CCDC81: variants seen among roughly 807,000 people sequenced by gnomAD.
CCDC81 encodes the protein coiled-coil domain containing 81.
In CCDC81, 79 loss-of-function variants were observed where a neutral mutation model predicts 83.7. That is an observed-to-expected ratio of 0.94 (90% CI 0.79 to 1.14). The LOEUF (loss-of-function observed/expected upper bound fraction) is 1.14. Ranked by LOEUF, CCDC81 falls within the 50% of genes most tolerant of loss-of-function variation. The probability of loss-of-function intolerance (pLI) is 0.00; values close to 1 mark genes in which losing one functional copy is unlikely to be tolerated. For missense variants in CCDC81, 791 were observed against 778.1 expected (o/e 1.02, Z -0.20); for synonymous variants, 252 against 278.1 (o/e 0.91, Z 0.93).
At chr11:86,379,462 A>G (rs1293310756) in intron 1 of CCDC81, among the ~76,000 whole-genome samples, 2 of 152,182 alleles carry the variant, frequency 1.3e-5, no homozygotes, top group Admixed American at 6.6e-5. Context: ...CAGTCAATTC[A>G]AGTCCACTTC....
At chr11:86,381,984 T>C (rs1555190193) in intron 1 of CCDC81, among the ~76,000 whole-genome samples, 1 of 152,056 alleles carries the variant, frequency 6.6e-6, no homozygotes, top group Non-Finnish European at 1.5e-5. Context: ...GGTGAGAGTA[T>C]GATGTGATGG....
At position 86,375,102 on chromosome 11, in the gene CCDC81, A is replaced by G. The variant is rs1948081744; in HGVS notation, c.-62A>G. 1.4e-6 allele frequency: 2 copies of G among 1,404,562 alleles called. No individual in the cohort carries two copies. Among genetic ancestry groups the G allele is most frequent in the Non-Finnish European group, 1.0e-6 (1 of 989,590 alleles). The allele number at this position is 1,404,562 out of a possible 1,614,324, so 87.0% of individuals were successfully genotyped here. On this transcript the variant is annotated 5_prime_UTR_variant, in exon 1 of 15. Transcript: ENST00000445632. ...GGGTGGGAAAATTATTTTTGTGCACATTCCATATAAGAAAGAAGAGACCCA... is the reference window on the plus strand; with the variant it reads ...GGGTGGGAAAATTATTTTTGTGCACGTTCCATATAAGAAAGAAGAGACCCA...
chr11:86,388,256 C>A (rs11234628), intron 3 of CCDC81, among the ~76,000 whole-genome samples: 37,769 of 145,538 alleles, frequency 0.26, 5,082 homozygotes, highest in African/African-American at 0.34. Flanking sequence ...TTATTGAGAG[C>A]CAACTATGTG....
At chr11:86,393,262 C>T (rs1948359675) in intron 4 of CCDC81, among the ~76,000 whole-genome samples, 2 of 152,058 alleles carry the variant, frequency 1.3e-5, no homozygotes, top group African/African-American at 4.8e-5. Flanking sequence ...AAAGTTTCAC[C>T]ATGTTGGCCA....
chr11:86,389,971 G>A (rs1306933571), intron 3 of CCDC81, among the ~76,000 whole-genome samples: 1 of 152,086 alleles, frequency 6.6e-6, no homozygotes, highest in Non-Finnish European at 1.5e-5. Context: ...TGGGCGTGGT[G>A]GTGCATGCCT....
Position 86,420,026 on chromosome 11 carries a change from G to T in CCDC81, c.1790G>T (p.Arg597Leu), listed in dbSNP as rs1416565609. The change falls in exon 14 of 15, where the codon CGA becomes CTA. Residue 597 changes from arginine to leucine, a missense_variant. Arg to Leu is a moderately radical substitution (Grantham distance 102, BLOSUM62 -2). Transcript: ENST00000445632. ...WERSAAMKKQ[R>L]DLEDKAFERA... ...AGGAGTGCTGCGATGAAGAAGCAGC[G>T]AGACCTGGAGGACAAGGCTTTTGAA... is the stretch of plus-strand genomic sequence containing the variant. 1.2e-6 allele frequency: 2 copies of T among 1,613,762 alleles called. No homozygotes were observed. Among genetic ancestry groups the T allele is most frequent in the South Asian group, 1.1e-5 (1 of 90,998 alleles).
chr11:86,395,470 G>C (rs1203252803), intron 5 of CCDC81, 57 bp downstream of exon 5: 2 of 1,307,594 alleles, frequency 1.5e-6, no homozygotes, highest in African/African-American at 2.9e-5. Flanking sequence ...CTGATCTGCT[G>C]ATCTCATTGG....
At chr11:86,420,702 T>A (rs1948778297) in intron 14 of CCDC81, among the ~76,000 whole-genome samples, 1 of 152,238 alleles carries the variant, frequency 6.6e-6, no homozygotes, top group African/African-American at 2.4e-5. Context: ...CAGTTTTTAA[T>A]CATGGATAAA....
At chr11:86,419,232 G>C (rs575437624) in intron 13 of CCDC81, 3 of 152,306 alleles carry the variant, frequency 2.0e-5, no homozygotes, top group Non-Finnish European at 2.9e-5. Context: ...TTTCAGTTTA[G>C]CAAGAAATAG....
At chr11:86,401,238 G>A (rs1047389606) in intron 7 of CCDC81, among the ~76,000 whole-genome samples, 1 of 152,168 alleles carries the variant, frequency 6.6e-6, no homozygotes, top group African/African-American at 2.4e-5. Flanking sequence ...TTGAATGAAT[G>A]AGTGTATTAC....
intron 14 of CCDC81, among the ~76,000 whole-genome samples, chr11:86,420,846 A>G (rs906799014): frequency 1.3e-5 from 2 of 152,200 alleles, no homozygotes; most frequent in Non-Finnish European, 2.9e-5. Context: ...GACGTGGAAA[A>G]TAGGTTCCAA....
In CCDC81 at chr11:86,412,409, G is replaced by A. The variant is rs138592676; in HGVS notation, c.1241G>A (p.Arg414Gln). The A allele has an allele frequency of 5.5e-5, 88 of 1,594,744 alleles. 1 individual carries two copies. Among genetic ancestry groups the A allele is most frequent in the Admixed American group, 4.6e-4 (25 of 54,598 alleles). ...EFYKSFLFDK[R>Q]PLSPALNALK... Reference sequence around the variant, plus strand: ...TAGAAATCCTTCCTATTTGACAAACGGCCACTCAGTCCTGCGCTTAATGCT... The same window carrying A: ...TAGAAATCCTTCCTATTTGACAAACAGCCACTCAGTCCTGCGCTTAATGCT... Residue 414 changes from arginine to glutamine, a missense_variant, in exon 11 of 15, where the codon CGG becomes CAG. Arg to Gln is a conservative substitution (Grantham distance 43). Transcript: ENST00000445632.
Position 86,422,643 on chromosome 11 carries a change from C to A in CCDC81, c.1887C>A (p.Arg629=). The change falls in exon 15 of 15, where the codon CGC becomes CGA. Residue 629 remains arginine (R), a synonymous_variant. Transcript: ENST00000445632. ...KYRRCKQCQR[R]TSNVGESNLW... is the part of the protein sequence containing the mutation. ...GGCGCTGCAAGCAATGCCAGAGGCG[C>A]ACCTCCAACGTGGGCGAGAGCAACC... 2.5e-6 allele frequency: 4 copies of A among 1,614,076 alleles called. No homozygotes were observed. Among genetic ancestry groups the A allele is most frequent in the Non-Finnish European group, 3.4e-6 (4 of 1,179,962 alleles).
intron 10 of CCDC81, among the ~76,000 whole-genome samples, chr11:86,411,158 C>T (rs1484022938): frequency 3.3e-5 from 5 of 152,196 alleles, no homozygotes; most frequent in South Asian, 4.1e-4. Context: ...AAATTCTACA[C>T]GCTTTGACTC....
intron 1 of CCDC81, among the ~76,000 whole-genome samples, chr11:86,384,915 T>C (rs1430949009): frequency 6.6e-6 from 1 of 152,244 alleles, no homozygotes; most frequent in Non-Finnish European, 1.5e-5. Flanking sequence ...ATATCATACA[T>C]TAACACTTTC....
At chr11:86,396,180 T>C (rs1565762579) in intron 5 of CCDC81, among the ~76,000 whole-genome samples, 1 of 152,214 alleles carries the variant, frequency 6.6e-6, no homozygotes. Context: ...AGCACAGTGG[T>C]TGTTACTGGT....
intron 6 of CCDC81, among the ~76,000 whole-genome samples, chr11:86,398,864 C>T (rs1268982295): frequency 1.3e-5 from 2 of 152,206 alleles, no homozygotes; most frequent in African/African-American, 4.8e-5. Context: ...GGAGCCACCA[C>T]ACGCAGCCAC....
chr11:86,411,443 T>G (rs1388093659), intron 10 of CCDC81, among the ~76,000 whole-genome samples: 1 of 152,206 alleles, frequency 6.6e-6, no homozygotes, highest in East Asian at 1.9e-4. Context: ...CACTTAGCAC[T>G]ATCTTAAATG....
At position 86,405,828 on chromosome 11, in the gene CCDC81, T is replaced by G. The variant is rs182590368; in HGVS notation, c.882-1786T>G. Among the ~76,000 whole-genome samples, 878 of 151,256 alleles carry G rather than the reference T, an allele frequency of 5.8e-3. 7 individuals are homozygous for G. The highest frequency in any genetic ancestry group is 0.02 in the African/African-American group (839 of 41,134). On this transcript the variant is annotated intron_variant, in intron 7 of 14. Transcript: ENST00000445632. ...CCCAGGCTGGAGCGCAGTGGCGTGA[T>G]CTTGGCTCACCGCAACCTCCGCCTC... is the stretch of plus-strand genomic sequence containing the variant.
Sources: gnomAD v4.1 joint callset for allele counts (sites outside exome capture counted in the v4.1 genomes callset) on GRCh38, gnomAD v4.1.1 for gene constraint, MANE v1.5 for transcripts, NCBI Gene and HGNC (gene_info 2026-07-23, HGNC 2026-07-21) for gene names.